Variants in TCF4 observed in about 807,000 individuals in gnomAD.
The protein encoded by TCF4 is SL3-3 enhancer factor 2.
In TCF4, 3 loss-of-function variants were observed where a neutral mutation model predicts 82.1. The ratio of observed to expected loss-of-function variants is 0.04; its 90% CI spans 0.02 to 0.09. TCF4 has a LOEUF of 0.09. TCF4 is among the 10% of genes least tolerant of loss of function. TCF4 has a pLI of 1.00. For missense variants in TCF4, 518 were observed against 852.7 expected, an observed-to-expected ratio of 0.61 and a Z score of 4.89; for synonymous variants, 276 against 309.6, an observed-to-expected ratio of 0.89 and a Z score of 1.14.
At chr18:55,566,263 T>C (rs971453645) in intron 3 of TCF4, among the ~76,000 whole-genome samples, 2 of 151,880 alleles carry the variant, frequency 1.3e-5, no homozygotes, top group Non-Finnish European at 2.9e-5. Flanking sequence ...TGTATAGACA[T>C]GGATGTAGTC....
intron 5 of TCF4, among the ~76,000 whole-genome samples, chr18:55,459,853 A>G (rs889915203): frequency 7.2e-5 from 11 of 152,120 alleles, no homozygotes; most frequent in South Asian, 2.1e-4. Context: ...ACCAAAACCA[A>G]CTTTGTGGTT....
At chr18:55,509,017 T>C (rs924379975) in intron 3 of TCF4, among the ~76,000 whole-genome samples, 1 of 152,194 alleles carries the variant, frequency 6.6e-6, no homozygotes, top group Non-Finnish European at 1.5e-5. Context: ...TAAATCTCTT[T>C]ACATTTTAAA....
chr18:55,269,385 AT>A (rs1479324815), intron 11 of TCF4: 1 of 241,928 alleles, frequency 4.1e-6, no homozygotes, highest in Non-Finnish European at 8.2e-6. Context: ...TCACCTGAGA[AT>A]TTCACATTAA....
At chr18:55,571,492 T>C (rs1603623816) in intron 3 of TCF4, among the ~76,000 whole-genome samples, 1 of 152,332 alleles carries the variant, frequency 6.6e-6, no homozygotes, top group East Asian at 1.9e-4. Flanking sequence ...GCTCCAGTAC[T>C]TATGTTGGTG....
intron 5 of TCF4, among the ~76,000 whole-genome samples, chr18:55,411,977 G>A (rs947807992): frequency 4.6e-5 from 7 of 152,142 alleles, no homozygotes; most frequent in Non-Finnish European, 7.3e-5. Flanking sequence ...CCGACCTCAA[G>A]TGATCTACCT....
At chr18:55,344,925 T>C (rs2080841820) in intron 8 of TCF4, among the ~76,000 whole-genome samples, 1 of 152,146 alleles carries the variant, frequency 6.6e-6, no homozygotes, top group African/African-American at 2.4e-5. Flanking sequence ...GCTTGTCTTT[T>C]CCTTTATATT....
intron 15 of TCF4, among the ~76,000 whole-genome samples, chr18:55,244,367 T>C (rs1005822824): frequency 3.3e-5 from 5 of 152,172 alleles, no homozygotes; most frequent in African/African-American, 1.2e-4. Context: ...AAAGAGGAAA[T>C]TCAAACACCC....
intron 2 of TCF4, among the ~76,000 whole-genome samples, chr18:55,626,272 C>G (rs1183612482): frequency 6.6e-5 from 10 of 152,172 alleles, no homozygotes; most frequent in Non-Finnish European, 2.9e-5. Context: ...TTCCAATTCC[C>G]ATATATTCAC....
chr18:55,423,165 G>C (rs1174198137), intron 5 of TCF4, among the ~76,000 whole-genome samples: 1 of 111,540 alleles, frequency 9.0e-6, no homozygotes, highest in Admixed American at 8.3e-5. Context: ...AATAGAAGCA[G>C]TTCTTAATAA....
chr18:55,473,957 G>A (rs912809771), intron 3 of TCF4, among the ~76,000 whole-genome samples: 1 of 152,270 alleles, frequency 6.6e-6, no homozygotes, highest in Admixed American at 6.5e-5. Context: ...AAGCAAACAA[G>A]CCAGATTATC....
At chr18:55,306,004 T>C (rs1332402135) in intron 8 of TCF4, among the ~76,000 whole-genome samples, 1 of 152,192 alleles carries the variant, frequency 6.6e-6, no homozygotes, top group Non-Finnish European at 1.5e-5. Context: ...CTTCCGACTC[T>C]ACTCCCAACA....
At chr18:55,356,650 TG>T (rs1364195135) in intron 6 of TCF4, among the ~76,000 whole-genome samples, 2 of 152,222 alleles carry the variant, frequency 1.3e-5, no homozygotes, top group Non-Finnish European at 2.9e-5. Context: ...GCTACAGTAT[TG>T]GTCACTGATA....
chr18:55,361,868 T>C (rs1430510632), intron 6 of TCF4, among the ~76,000 whole-genome samples: 1 of 152,218 alleles, frequency 6.6e-6, no homozygotes, highest in Admixed American at 6.5e-5. Flanking sequence ...GAGGGGATTC[T>C]ACTAATACTG....
intron 8 of TCF4, among the ~76,000 whole-genome samples, chr18:55,345,055 T>C (rs2080867466): frequency 6.6e-6 from 1 of 152,104 alleles, no homozygotes; most frequent in Non-Finnish European, 1.5e-5. Flanking sequence ...TATTCCAAAA[T>C]TCCAAACAAA....
intron 3 of TCF4, among the ~76,000 whole-genome samples, chr18:55,527,640 C>T (rs1248443717): frequency 5.3e-5 from 8 of 152,052 alleles, no homozygotes; most frequent in Non-Finnish European, 1.0e-4. Flanking sequence ...CATAACACCA[C>T]GTGCATGATA....
intron 3 of TCF4, among the ~76,000 whole-genome samples, chr18:55,548,827 A>G (rs2097231057): frequency 6.6e-6 from 1 of 152,200 alleles, no homozygotes. Context: ...TATAAAAGAT[A>G]AAAGATTGTA....
chr18:55,628,271 T>G (rs2097728508), intron 2 of TCF4, among the ~76,000 whole-genome samples: 1 of 152,166 alleles, frequency 6.6e-6, no homozygotes, highest in Non-Finnish European at 1.5e-5. Context: ...TGAACTCTCA[T>G]GTGTACATAT....
chr18:55,635,846 A>C, exon 1 of TCF4: 2 of 1,565,634 alleles, frequency 1.3e-6, no homozygotes, highest in Non-Finnish European at 8.7e-7. Flanking sequence ...ATGAAGATGA[A>C]GGGAAAGAGG....
At chr18:55,460,880 G>A in intron 5 of TCF4, 139 bp downstream of exon 5, 1 of 742,138 alleles carries the variant, frequency 1.3e-6, no homozygotes. Flanking sequence ...AATCCTCTCT[G>A]CAATTTAAGA....
Sources: allele counts gnomAD v4.1 joint callset (sites outside exome capture counted in the v4.1 genomes callset), GRCh38; gene constraint gnomAD v4.1.1; transcripts MANE v1.5; gene names NCBI Gene and HGNC (gene_info 2026-07-23, HGNC 2026-07-21).